SH3TC1: variants seen among roughly 807,000 people sequenced by gnomAD.
The protein encoded by SH3TC1 is SH3 domain and tetratricopeptide repeats 1, also known as SH3 domain and tetratricopeptide repeat-containing protein 1.
In SH3TC1, 135 loss-of-function variants were observed where a neutral mutation model predicts 117.3. That is an observed-to-expected ratio of 1.15 (90% CI 1.00 to 1.33). The LOEUF (loss-of-function observed/expected upper bound fraction) is 1.33, where lower values mean the gene tolerates loss of function less well. SH3TC1 is among the 40% of genes most tolerant of loss of function. The probability of loss-of-function intolerance (pLI) is 0.00; values close to 1 mark genes in which losing one functional copy is unlikely to be tolerated. For synonymous variants in SH3TC1, 898 were observed against 816.9 expected (o/e 1.10, Z -1.69); for missense variants, 2,092 against 1,794.3 (o/e 1.17, Z -3.00).
intron 1 of SH3TC1, among the ~76,000 whole-genome samples, chr4:8,202,709 T>C (rs77920012): frequency 0.036 from 5,555 of 152,268 alleles, 147 homozygotes; most frequent in Non-Finnish European, 0.058. Context: ...GCTGAGGCCC[T>C]GCACTCTGAG....
At chr4:8,223,543 GGC>G (rs1419849075) in intron 10 of SH3TC1, among the ~76,000 whole-genome samples, 1 of 152,198 alleles carries the variant, frequency 6.6e-6, no homozygotes, top group Non-Finnish European at 1.5e-5. Flanking sequence ...AGATGAAGTT[GGC>G]ATGTCATCCA....
chr4:8,216,285 G>A, intron 6 of SH3TC1, 28 bp downstream of exon 6: 3 of 1,607,316 alleles, frequency 1.9e-6, no homozygotes, highest in Non-Finnish European at 2.5e-6. Flanking sequence ...TGATGGCCGA[G>A]ATCCAGCTGT....
At chr4:8,224,030 T>C (rs1038346555) in intron 10 of SH3TC1, among the ~76,000 whole-genome samples, 12 of 130,340 alleles carry the variant, frequency 9.2e-5, no homozygotes, top group African/African-American at 3.1e-4. Context: ...CATGCACACA[T>C]GCACTCACAA....
chr4:8,193,108 C>T (rs544790984), intron 1 of SH3TC1, among the ~76,000 whole-genome samples: 3 of 152,374 alleles, frequency 2.0e-5, no homozygotes, highest in East Asian at 3.9e-4. Context: ...AGGGTTGTGA[C>T]GGACCTGATG....
At chr4:8,203,086 C>T (rs1260509300) in intron 1 of SH3TC1, among the ~76,000 whole-genome samples, 1 of 152,226 alleles carries the variant, frequency 6.6e-6, no homozygotes, top group Non-Finnish European at 1.5e-5. Flanking sequence ...AGGGTTTCCT[C>T]ATCCTGTACT....
rs1287659617 is a variant in SH3TC1, at chr4:8,183,162, T to C, written c.-57+952T>C. 6.6e-6 allele frequency among the ~76,000 whole-genome samples: 1 copy of C among 152,174 alleles called. No homozygotes were observed. The highest frequency in any genetic ancestry group is 1.5e-5 in the Non-Finnish European group (1 of 68,036). On this transcript the variant is annotated intron_variant, in intron 1 of 16. Coordinates refer to the SH3TC1 transcript ENST00000508641. This position sits in a 1 kb window ranked among gnomAD's most constrained non-coding sequence, Gnocchi z 5.4. The stretch of plus-strand genomic sequence containing the variant: ...TTGCCTCCCTCTCCCGCTGGGGCTA[T>C]AGAATGGTCTGGAGCCCTCTGTGGC...
intron 14 of SH3TC1, among the ~76,000 whole-genome samples, chr4:8,234,520 C>T (rs116836974): frequency 0.019 from 2,811 of 151,782 alleles, 80 homozygotes; most frequent in African/African-American, 0.065. Context: ...TCTGTCCATC[C>T]GTCCGTCCAT....
At chr4:8,235,833 T>G in intron 15 of SH3TC1, 1 of 390,856 alleles carries the variant, frequency 2.6e-6, no homozygotes, top group South Asian at 5.5e-5. Flanking sequence ...ATGAGGAAAC[T>G]GAGGCTCAGA....
At position 8,206,898 on chromosome 4, in the gene SH3TC1, T is replaced by C. The variant is rs1462217587; in HGVS notation, c.172+1532T>C. 1.3e-5 allele frequency among the ~76,000 whole-genome samples: 2 copies of C among 151,500 alleles called. No homozygotes were observed. The highest frequency in any genetic ancestry group is 2.1e-4 in the South Asian group (1 of 4,806). On this transcript the variant is annotated intron_variant, in intron 2 of 17. Transcript: ENST00000245105. This position sits in a 1 kb window ranked among gnomAD's most constrained non-coding sequence, Gnocchi z 5.5. ...TTCTTCTGATCCTTTTGGGAGTAAA[T>C]TGCAGACATGATGCCCCTTCATCCT...
upstream of SH3TC1, among the ~76,000 whole-genome samples, chr4:8,195,524 G>A (rs1717532459): frequency 6.6e-6 from 1 of 152,186 alleles, no homozygotes; most frequent in Non-Finnish European, 1.5e-5. Flanking sequence ...GAGGCTCTTG[G>A]AAAATTCCCC....
chr4:8,208,776 G>A (rs2152981251), intron 2 of SH3TC1, among the ~76,000 whole-genome samples: 1 of 152,356 alleles, frequency 6.6e-6, no homozygotes, highest in African/African-American at 2.4e-5. Context: ...ACTGCAGGTG[G>A]TCAGCAAATG....
At position 8,237,646 on chromosome 4, in the gene SH3TC1, T is replaced by TACCA; in HGVS notation, c.3729_3730insACCA (p.Asp1244ThrfsTer13). 1 of 1,608,180 alleles carries TACCA rather than the reference T, an allele frequency of 6.2e-7. No homozygotes were observed. Among genetic ancestry groups the TACCA allele is most frequent in the Admixed American group, 1.7e-5 (1 of 59,386 alleles). On this transcript the variant is annotated frameshift_variant, in exon 17 of 18. Coordinates refer to ENST00000245105, the MANE Select transcript of SH3TC1 (RefSeq NM_018986.5). LOFTEE classifies it low-confidence loss of function (END_TRUNC). The stretch of plus-strand genomic sequence containing the variant: ...ACGTGAAGGTGTACCTGGTGCTCGG[T>TACCA]GACATCATCTTCTACGACCTGAAGG...
At chr4:8,216,921 C>T (rs769536232) in intron 6 of SH3TC1, 36 bp from the exon 7 acceptor site, 118 of 1,602,462 alleles carry the variant, frequency 7.4e-5, no homozygotes, top group Middle Eastern at 4.9e-4. Flanking sequence ...GCGCCCAGTC[C>T]GGCCACCCTC....
intron 11 of SH3TC1, among the ~76,000 whole-genome samples, chr4:8,226,504 G>A (rs1449004340): frequency 6.6e-6 from 1 of 152,250 alleles, no homozygotes; most frequent in African/African-American, 2.4e-5. Flanking sequence ...CTGATCAGTA[G>A]CTCTGACTGG....
At chr4:8,212,185 G>T (rs367628545) in intron 3 of SH3TC1, among the ~76,000 whole-genome samples, 1 of 152,090 alleles carries the variant, frequency 6.6e-6, no homozygotes, top group African/African-American at 2.4e-5. Context: ...AGGCAGAACT[G>T]AGATTTCCAA....
At position 8,234,115 on chromosome 4, in the gene SH3TC1, ATCCT is replaced by A. The variant is rs1309831112; in HGVS notation, c.3282+606_3282+609del. On this transcript the variant is annotated intron_variant, in intron 14 of 17. Coordinates refer to ENST00000245105, the MANE Select transcript of SH3TC1 (RefSeq NM_018986.5). Reference sequence around the variant, plus strand: ...CCATCATCCATCCATTCACCTGTTGATCCTTCCATCATCCATCCATTTATCCATT... The same window carrying A: ...CCATCATCCATCCATTCACCTGTTGATCCATCATCCATCCATTTATCCATT... 2.7e-5 allele frequency among the ~76,000 whole-genome samples: 4 copies of A among 146,732 alleles called. No individual in the cohort carries two copies. The East Asian group carries it at 8.3e-4, about 31-fold the overall frequency.
chr4:8,225,348 G>C lies in SH3TC1; in HGVS notation c.1285+132G>C, dbSNP rs955435857. ...CACCCCTCTGTGGTGTGGGCTGGGG[G>C]CTTGGGGGAGGTTGCCTGAGGTGGG... On this transcript the variant is annotated intron_variant, in intron 11 of 17. Transcript: ENST00000245105. The surrounding 1 kb of genome is among the most constrained non-coding windows in gnomAD (Gnocchi z 5.5). 1.3e-5 allele frequency: 14 copies of C among 1,053,478 alleles called. No homozygotes were observed. Among genetic ancestry groups the C allele is most frequent in the South Asian group, 3.0e-5 (2 of 67,134 alleles). 65.3% of individuals were successfully genotyped at this position (1,053,478 alleles called of 1,614,324 possible).
chr4:8,216,859 G>A (rs1303603399), intron 6 of SH3TC1, 98 bp from the exon 7 acceptor site: 2 of 1,257,006 alleles, frequency 1.6e-6, no homozygotes, highest in African/African-American at 2.9e-5. Context: ...GCTCCTGTGG[G>A]TGTTGCCTTC....
At chr4:8,224,187 A>G (rs1720241227) in intron 10 of SH3TC1, among the ~76,000 whole-genome samples, 1 of 152,210 alleles carries the variant, frequency 6.6e-6, no homozygotes. Flanking sequence ...CCTCACACAC[A>G]TATGCACACA....
Sources: gnomAD v4.1 joint callset for allele counts (sites outside exome capture counted in the v4.1 genomes callset) on GRCh38, gnomAD v4.1.1 for gene constraint, Gnocchi (gnomAD v3.1) non-coding constraint, MANE v1.5 for transcripts, NCBI Gene and HGNC (gene_info 2026-07-23, HGNC 2026-07-21) for gene names.